The following PLOD2 variants were observed in gnomAD, a reference collection of about 807,000 sequenced individuals.
PLOD2 encodes lysine hydroxylase 2.
A neutral mutation model predicts 101.0 loss-of-function variants in PLOD2; 65 were observed. That is an observed-to-expected ratio of 0.64 (90% confidence interval 0.53 to 0.79). PLOD2 has a LOEUF of 0.79. Ranked by LOEUF, PLOD2 falls within the 30% of genes least tolerant of loss-of-function variation. The probability of loss-of-function intolerance (pLI) is 0.00; values close to 1 mark genes in which losing one functional copy is unlikely to be tolerated. For missense variants in PLOD2, 909 were observed against 914.6 expected (o/e 0.99, Z 0.08); for synonymous variants, 314 against 302.9 (o/e 1.04, Z -0.38).
chr3:146,126,511 C>G (rs1274874967), intron 1 of PLOD2, among the ~76,000 whole-genome samples: 2 of 151,552 alleles, frequency 1.3e-5, no homozygotes, highest in African/African-American at 4.9e-5. Context: ...TACAAATTTA[C>G]CAGAAATAAA....
At chr3:146,089,298 A>AT (rs1936895015) in intron 8 of PLOD2, among the ~76,000 whole-genome samples, 2 of 151,450 alleles carry the variant, frequency 1.3e-5, no homozygotes, top group Admixed American at 6.6e-5. Context: ...CTCTTTAGAT[A>AT]TGTTTTGGTG....
intron 15 of PLOD2, among the ~76,000 whole-genome samples, chr3:146,073,907 C>T (rs555074994): frequency 6.6e-6 from 1 of 151,624 alleles, no homozygotes; most frequent in African/African-American, 2.4e-5. Context: ...TAGTAAATTA[C>T]TCTAAATTTG....
chr3:146,071,228 T>G, intron 18 of PLOD2, 49 bp downstream of exon 18: 1 of 1,610,814 alleles, frequency 6.2e-7, no homozygotes, highest in Non-Finnish European at 8.5e-7. Flanking sequence ...AAAGAACACC[T>G]GTGTAAAAAT....
chr3:146,113,032 A>G (rs568525832), intron 3 of PLOD2, among the ~76,000 whole-genome samples: 14 of 152,294 alleles, frequency 9.2e-5, no homozygotes, highest in Admixed American at 7.2e-4. Context: ...ATGTGAGTGA[A>G]TATTTTTTGT....
rs967744523 is a variant in PLOD2 at position 146,071,314 on chromosome 3, G to C, written c.1958C>G (p.Pro653Arg). Residue 653 changes from proline to arginine, a missense_variant, in exon 18 of 20, where the codon CCA (proline) becomes CGA (arginine). Pro to Arg is a moderately radical substitution (Grantham distance 103). Coordinates refer to ENST00000282903, the MANE Select transcript of PLOD2 (RefSeq NM_182943.3). ...GCCTGCAAAGACCTTCAGTGTAACT[G>C]GTGCAATGAACTCCCGGATAAAATG... is the stretch of plus-strand genomic sequence containing the variant. ...WLHFIREFIA[P>R]VTLKVFAGYY... 9 of 1,612,046 alleles carry C rather than the reference G, an allele frequency of 5.6e-6. No homozygotes were observed. The highest frequency in any genetic ancestry group is 7.6e-6 in the Non-Finnish European group (9 of 1,178,760).
intron 1 of PLOD2, among the ~76,000 whole-genome samples, chr3:146,147,165 G>C (rs1291620813): frequency 6.6e-6 from 1 of 152,130 alleles, no homozygotes; most frequent in African/African-American, 2.4e-5. Context: ...TATATTTGCA[G>C]AGAATACTGT....
chr3:146,149,966 A>C (rs1306494110), intron 1 of PLOD2, among the ~76,000 whole-genome samples: 2 of 152,190 alleles, frequency 1.3e-5, no homozygotes, highest in Non-Finnish European at 2.9e-5. Flanking sequence ...ATCTTCTCCA[A>C]GGATTAAGTC....
chr3:146,071,968 G>A (rs1350215791), intron 17 of PLOD2, among the ~76,000 whole-genome samples: 1 of 151,604 alleles, frequency 6.6e-6, no homozygotes, highest in Non-Finnish European at 1.5e-5. Context: ...CTCATTACCT[G>A]GGGGACATAA....
chr3:146,088,465 T>G, intron 9 of PLOD2, 121 bp downstream of exon 9: 1 of 700,968 alleles, frequency 1.4e-6, no homozygotes, highest in African/African-American at 1.8e-5. Context: ...AGGGCTGTAA[T>G]TACTCCAAAA....
chr3:146,129,305 T>G (rs2030767307), intron 1 of PLOD2, among the ~76,000 whole-genome samples: 1 of 152,148 alleles, frequency 6.6e-6, no homozygotes, highest in Non-Finnish European at 1.5e-5. Flanking sequence ...TTTTCCTTAT[T>G]TTTTTACAAC....
chr3:146,121,662 A>G (rs2030164848), intron 2 of PLOD2, among the ~76,000 whole-genome samples: 1 of 152,146 alleles, frequency 6.6e-6, no homozygotes, highest in Non-Finnish European at 1.5e-5. Context: ...GGGGCCTTTA[A>G]GCAATTTTCC....
chr3:146,086,547 T>C (rs1936776025), intron 10 of PLOD2: 1 of 256,016 alleles, frequency 3.9e-6, no homozygotes, highest in African/African-American at 2.2e-5. Context: ...TTACCTTGAT[T>C]CATCATTTGA....
chr3:146,103,250 A>G (rs1937454202), intron 6 of PLOD2, among the ~76,000 whole-genome samples: 1 of 152,214 alleles, frequency 6.6e-6, no homozygotes, highest in African/African-American at 2.4e-5. Context: ...TTTTAGGGTT[A>G]TTATGAAGAT....
chr3:146,088,671 G>A lies in PLOD2; in HGVS notation c.920C>T (p.Pro307Leu). ...NVSIGVFIEQPTPFLPRFLDI... is the reference protein window; with the variant it reads ...NVSIGVFIEQLTPFLPRFLDI... ...CAGAAACCGAGGTAGAAAAGGGGTT[G>A]GTTGCTCAATAAAAACACCTATTGA... The change falls in exon 9 of 20, where the codon CCA (proline) becomes CTA (leucine). Residue 307 changes from proline (P) to leucine (L), a missense_variant. Physicochemically the swap from Pro to Leu is moderately conservative, Grantham distance 98. Transcript: ENST00000282903. The A allele has an allele frequency of 6.2e-7, 1 of 1,607,192 alleles. No individual in the cohort carries two copies.
intron 1 of PLOD2, among the ~76,000 whole-genome samples, chr3:146,159,845 G>C (rs1012435983): frequency 6.6e-6 from 1 of 152,132 alleles, no homozygotes; most frequent in African/African-American, 2.4e-5. Context: ...GCCTGCTGAC[G>C]CTTTCTGAAA....
At chr3:146,146,573 G>A (rs932999139) in intron 1 of PLOD2, among the ~76,000 whole-genome samples, 2 of 152,154 alleles carry the variant, frequency 1.3e-5, no homozygotes, top group African/African-American at 4.8e-5. Flanking sequence ...ATGGACAGCA[G>A]CAAAGGCTGT....
Position 146,086,806 on chromosome 3 carries a change from C to T in PLOD2, c.1108G>A (p.Glu370Lys), listed in dbSNP as rs147402171. The T allele has an allele frequency of 1.8e-4, 272 of 1,491,366 alleles. 1 individual carries two copies. In the African/African-American group the frequency reaches 3.4e-3, roughly 19 times the overall value. The allele number at this position is 1,491,366 out of a possible 1,614,324, so 92.4% of individuals were successfully genotyped here. ...VGPEENLSQA[E>K]ARNMGMDFCR... is the part of the protein sequence containing the mutation. ...ACATACATTCCCATGTTTCTGGCTTCCGCTTGACTTAGATTTTCTTCTGGT... is the reference window on the plus strand; with the variant it reads ...ACATACATTCCCATGTTTCTGGCTTTCGCTTGACTTAGATTTTCTTCTGGT... Residue 370 changes from glutamate to lysine, a missense_variant, in exon 10 of 20, where the codon GAA becomes AAA. Transcript: ENST00000282903.
At chr3:146,127,126 G>A (rs555153097) in intron 1 of PLOD2, among the ~76,000 whole-genome samples, 93 of 152,060 alleles carry the variant, frequency 6.1e-4, no homozygotes, top group African/African-American at 1.9e-3. Context: ...CTTTATTTTC[G>A]TATGGTTCAG....
At chr3:146,116,896 A>T (rs1447869678) in intron 3 of PLOD2, among the ~76,000 whole-genome samples, 1 of 152,172 alleles carries the variant, frequency 6.6e-6, no homozygotes, top group Non-Finnish European at 1.5e-5. Context: ...CCAGTTTCTA[A>T]TTTTAAACGT....
Sources: allele counts gnomAD v4.1 joint callset (sites outside exome capture counted in the v4.1 genomes callset), GRCh38; gene constraint gnomAD v4.1.1; transcripts MANE v1.5; gene names NCBI Gene and HGNC (gene_info 2026-07-23, HGNC 2026-07-21).